Variants in DST observed in about 807,000 individuals in gnomAD.
DST encodes bullous pemphigoid antigen.
A neutral mutation model predicts 875.2 loss-of-function variants in DST; 253 were observed. The observed-to-expected ratio is 0.29, with a 90% confidence interval of 0.26 to 0.32. The LOEUF (loss-of-function observed/expected upper bound fraction) is 0.32, where lower values mean the gene tolerates loss of function less well. DST is among the 10% of genes least tolerant of loss of function. DST has a pLI of 1.00. For synonymous variants in DST, 3,124 were observed against 3,197.1 expected (o/e 0.98, Z 0.77); for missense variants, 8,287 against 9,111.6 (o/e 0.91, Z 3.68).
At chr6:56,488,592 G>A (rs2095639998) in intron 86 of DST, among the ~76,000 whole-genome samples, 1 of 152,174 alleles carries the variant, frequency 6.6e-6, no homozygotes, top group African/African-American at 2.4e-5. Context: ...TAGACCCACT[G>A]ATGGAAGCAG....
intron 4 of DST, among the ~76,000 whole-genome samples, chr6:56,801,912 G>C (rs1347422278): frequency 6.6e-6 from 1 of 151,930 alleles, no homozygotes; most frequent in Non-Finnish European, 1.5e-5. Context: ...ACCACACCTG[G>C]CTAATTTTTG....
At chr6:56,862,710 A>G (rs1464551486) in intron 3 of DST, among the ~76,000 whole-genome samples, 1 of 152,160 alleles carries the variant, frequency 6.6e-6, no homozygotes, top group East Asian at 1.9e-4. Context: ...AAATGATGAG[A>G]GCCTGAACTA....
intron 55 of DST, among the ~76,000 whole-genome samples, chr6:56,562,446 T>C (rs2097551990): frequency 6.6e-6 from 1 of 151,900 alleles, no homozygotes; most frequent in Non-Finnish European, 1.5e-5. Flanking sequence ...AATTAATCAT[T>C]AAATATTAAT....
At chr6:56,745,310 T>C (rs933367651) in intron 4 of DST, among the ~76,000 whole-genome samples, 12 of 152,228 alleles carry the variant, frequency 7.9e-5, no homozygotes, top group African/African-American at 2.7e-4. Flanking sequence ...GCCTCTGTTG[T>C]GGCAACAAAA....
At chr6:56,507,254 G>T (rs376364532) in intron 75 of DST, among the ~76,000 whole-genome samples, 3 of 152,136 alleles carry the variant, frequency 2.0e-5, no homozygotes, top group East Asian at 1.9e-4. Flanking sequence ...GACCTGTAAG[G>T]TACAAAGATA....
At chr6:56,517,408 G>C (rs2096615680) in intron 70 of DST, 93 bp downstream of exon 70, 10 of 1,582,210 alleles carry the variant, frequency 6.3e-6, no homozygotes, top group East Asian at 2.2e-5. Context: ...TACACTAGAG[G>C]GGTCTTAAAA....
rs185676125 is a variant in DST at position 56,919,752 on chromosome 6, G to T, written c.217-19131C>A. Among the ~76,000 whole-genome samples, 115 of 152,288 alleles carry T rather than the reference G, an allele frequency of 7.6e-4. 1 individual carries two copies. Among genetic ancestry groups the T allele is most frequent in the Admixed American group, 1.7e-3 (26 of 15,300 alleles). On this transcript the variant is annotated intron_variant, in intron 2 of 103. Coordinates refer to ENST00000680361, the MANE Select transcript of DST (RefSeq NM_001374736.1). The stretch of plus-strand genomic sequence containing the variant: ...ACTTGAGCCCAGGAGTTTGAGGGCA[G>T]CCTGGCCAATATGGTGAAACCCCAT...
At chr6:56,632,626 T>G (rs1346479491) in intron 28 of DST, among the ~76,000 whole-genome samples, 1 of 152,260 alleles carries the variant, frequency 6.6e-6, no homozygotes, top group Non-Finnish European at 1.5e-5. Flanking sequence ...ATTCGTTGTT[T>G]GTCCAACCAG....
intron 82 of DST, among the ~76,000 whole-genome samples, chr6:56,494,802 T>C (rs1284720872): frequency 2.0e-5 from 3 of 152,078 alleles, no homozygotes; most frequent in South Asian, 2.1e-4. Flanking sequence ...AAATATTGCT[T>C]AAACAAATTC....
At chr6:56,570,328 T>C (rs947063748) in intron 53 of DST, among the ~76,000 whole-genome samples, 1 of 152,182 alleles carries the variant, frequency 6.6e-6, no homozygotes, top group African/African-American at 2.4e-5. Context: ...TATATTAAAA[T>C]AATTATGCAA....
chr6:56,843,043 G>C lies in DST; in HGVS notation c.625+8354C>G, dbSNP rs116264433. The C allele has an allele frequency of 3.3e-4, 481 of 1,452,876 alleles. 2 individuals are homozygous for C. The African/African-American group carries it at 6.5e-3, about 20-fold the overall frequency. The allele number at this position is 1,452,876 out of a possible 1,614,324, so 90.0% of individuals were successfully genotyped here. A position where few individuals can be genotyped will look rare whatever the true frequency, so the allele number is the denominator to read the frequency against. On this transcript the variant is annotated intron_variant, in intron 4 of 103. Coordinates refer to ENST00000680361, the MANE Select transcript of DST (RefSeq NM_001374736.1). Reference sequence around the variant, plus strand: ...TGCCAAGCTCCGCAGCCCCAGGGCAGGGACCACATACCTTTGTACCTCTCC... The same window carrying C: ...TGCCAAGCTCCGCAGCCCCAGGGCACGGACCACATACCTTTGTACCTCTCC...
chr6:56,950,264 C>A (rs1015653313), intron 2 of DST, among the ~76,000 whole-genome samples: 1 of 152,164 alleles, frequency 6.6e-6, no homozygotes, highest in African/African-American at 2.4e-5. Context: ...TCTTCTCCTT[C>A]CTTATGTCAG....
Position 56,522,012 on chromosome 6 carries a change from C to T in DST, c.18129+4349G>A, listed in dbSNP as rs149394004. ...AATACTTTAATAGCATCAGAGGAGC[C>T]GAACCACCAACTCTAGCTACTGTAA... On this transcript the variant is annotated intron_variant, in intron 69 of 103. Coordinates refer to ENST00000680361, the MANE Select transcript of DST (RefSeq NM_001374736.1). 7.2e-4 allele frequency among the ~76,000 whole-genome samples: 110 copies of T among 152,034 alleles called. 2 individuals are homozygous for T. Among genetic ancestry groups the T allele is most frequent in the African/African-American group, 2.6e-3 (107 of 41,504 alleles).
At position 56,601,807 on chromosome 6, in the gene DST, A is replaced by G. The variant is rs900956191; in HGVS notation, c.11308-131T>C. ...TGGAAGTTTTATGAATTTTTTTGCTATTCATCAAAAATCTATTTATCATCT... is the reference window on the plus strand; with the variant it reads ...TGGAAGTTTTATGAATTTTTTTGCTGTTCATCAAAAATCTATTTATCATCT... On this transcript the variant is annotated intron_variant, in intron 43 of 103. Transcript: ENST00000680361. 7 of 595,812 alleles carry G rather than the reference A, an allele frequency of 1.2e-5. No individual in the cohort carries two copies. The South Asian group carries it at 1.3e-4, about 11-fold the overall frequency. 36.9% of individuals were successfully genotyped at this position (595,812 alleles called of 1,614,324 possible). A position where few individuals can be genotyped will look rare whatever the true frequency, so the allele number is the denominator to read the frequency against.
At position 56,605,305 on chromosome 6, in the gene DST, C is replaced by T; in HGVS notation, c.9323G>A (p.Ser3108Asn). The part of the protein sequence containing the change: ...TNNEELNQKG[S>N]LKKATVTLKD... ...AAGAGTTACAGTTGCTTTTTTAAGGCTTCCTTTCTGATTAAGTTCTTCATT... is the reference window on the plus strand; with the variant it reads ...AAGAGTTACAGTTGCTTTTTTAAGGTTTCCTTTCTGATTAAGTTCTTCATT... Residue 3108 changes from serine to asparagine, a missense_variant, in exon 40 of 104, where the codon AGC becomes AAC. By Grantham distance (46) the Ser-to-Asn change is conservative. Around this residue, in one of 10 missense-constraint regions of DST, gnomAD observed 3,138 missense variants for 3,116.6 expected, o/e 1.01. Coordinates refer to ENST00000680361, the MANE Select transcript of DST (RefSeq NM_001374736.1). The T allele has an allele frequency of 2.5e-6, 4 of 1,611,670 alleles. No homozygotes were observed. Among genetic ancestry groups the T allele is most frequent in the Non-Finnish European group, 3.4e-6 (4 of 1,178,892 alleles).
intron 84 of DST, 67 bp from the exon 85 acceptor site, chr6:56,492,500 G>T: frequency 6.9e-7 from 1 of 1,450,194 alleles, no homozygotes; most frequent in Non-Finnish European, 9.5e-7. Flanking sequence ...AAATGCTTCT[G>T]GTGTCATAAA....
chr6:56,670,795 G>A lies in DST; in HGVS notation c.1060C>T (p.His354Tyr). Residue 354 changes from histidine (H) to tyrosine (Y), a missense_variant, in exon 10 of 104, where the codon CAT becomes TAT. Coordinates refer to ENST00000680361, the MANE Select transcript of DST (RefSeq NM_001374736.1). ...ATATCCTCTGACTCTCCAGTAACAT[G>A]GATATCAGATATCTAGATATAACAG... ...IILHFQISDI[H>Y]VTGESEDMSA... is the part of the protein sequence containing the mutation. The A allele has an allele frequency of 6.3e-7, 1 of 1,591,128 alleles. No individual in the cohort carries two copies. The highest frequency in any genetic ancestry group is 1.2e-5 in the South Asian group (1 of 86,602).
intron 3 of DST, among the ~76,000 whole-genome samples, chr6:56,863,632 T>C (rs748913214): frequency 3.3e-5 from 5 of 152,164 alleles, no homozygotes; most frequent in Non-Finnish European, 7.3e-5. Context: ...CTTGGGTGTT[T>C]TTTCTCCTCC....
intron 87 of DST, 71 bp from the exon 88 acceptor site, chr6:56,485,542 T>C: frequency 7.0e-7 from 1 of 1,437,922 alleles, no homozygotes; most frequent in Non-Finnish European, 9.6e-7. Context: ...CATCTAAAAT[T>C]AATTGATGAA....
Sources: gnomAD v4.1 joint callset for allele counts (sites outside exome capture counted in the v4.1 genomes callset) on GRCh38, gnomAD v4.1.1 for gene constraint, gnomAD v4.1.1 regional missense constraint, MANE v1.5 for transcripts, NCBI Gene and HGNC (gene_info 2026-07-23, HGNC 2026-07-21) for gene names.